The following PAPPA2 variants were observed in gnomAD, a reference collection of about 807,000 sequenced individuals.
PAPPA2 encodes the protein pappalysin 2, also known as pappalysin-2.
A neutral mutation model predicts 176.4 loss-of-function variants in PAPPA2; 86 were observed. That is an observed-to-expected ratio of 0.49 (90% CI 0.41 to 0.58). The LOEUF (loss-of-function observed/expected upper bound fraction) is 0.58, where lower values mean the gene tolerates loss of function less well. PAPPA2 is among the 20% of genes least tolerant of loss of function. PAPPA2 has a pLI of 0.00. For missense variants in PAPPA2, 2,073 were observed against 2,256.9 expected, an observed-to-expected ratio of 0.92 and a Z score of 1.65; for synonymous variants, 809 against 852.2, an observed-to-expected ratio of 0.95 and a Z score of 0.88.
In PAPPA2 at chr1:176,556,266, C is replaced by G; in HGVS notation, c.-57C>G. The G allele has an allele frequency of 2.6e-6, 4 of 1,549,406 alleles. No individual in the cohort carries two copies. The highest frequency in any genetic ancestry group is 3.5e-6 in the Non-Finnish European group (4 of 1,141,078). ...CTGCCTCTTTCTCGTCTGCCCATCA[C>G]TCTGGTGTGGTACCCAGAAGTTGAC... On this transcript the variant is annotated 5_prime_UTR_variant, in exon 2 of 23. Coordinates refer to ENST00000367662, the MANE Select transcript of PAPPA2 (RefSeq NM_020318.3).
intron 14 of PAPPA2, among the ~76,000 whole-genome samples, chr1:176,758,516 A>G (rs1004283635): frequency 3.5e-4 from 53 of 152,190 alleles, no homozygotes; most frequent in African/African-American, 1.2e-3. Flanking sequence ...TCCTACTCCT[A>G]TCTGCTGCCA....
intron 14 of PAPPA2, among the ~76,000 whole-genome samples, chr1:176,764,045 G>A (rs921585640): frequency 5.3e-5 from 8 of 152,134 alleles, no homozygotes; most frequent in Non-Finnish European, 1.2e-4. Flanking sequence ...AACTTGAGAG[G>A]CACCCTGACT....
chr1:176,650,713 T>A (rs1278208169), intron 3 of PAPPA2, among the ~76,000 whole-genome samples: 1 of 151,622 alleles, frequency 6.6e-6, no homozygotes, highest in Non-Finnish European at 1.5e-5. Flanking sequence ...TATTCAGTTA[T>A]TAATAAATGA....
At chr1:176,543,013 A>G (rs765521041) in intron 1 of PAPPA2, among the ~76,000 whole-genome samples, 6 of 152,200 alleles carry the variant, frequency 3.9e-5, no homozygotes, top group Non-Finnish European at 8.8e-5. Context: ...GCATTGCCAC[A>G]ACTTCCTGGA....
At chr1:176,789,101 A>G (rs947135414) in intron 17 of PAPPA2, among the ~76,000 whole-genome samples, 1 of 152,158 alleles carries the variant, frequency 6.6e-6, no homozygotes, top group African/African-American at 2.4e-5. Flanking sequence ...AGAAAACCCA[A>G]TTACAATTTA....
rs79968629 is a variant in PAPPA2 at position 176,582,470 on chromosome 1, A to C, written c.920-12054A>C. Reference sequence around the variant, plus strand: ...GGTCACTTATGGCCTTTATTGTGTTAAGGTACTTTCTTTCTACCTGATTTA... The same window carrying C: ...GGTCACTTATGGCCTTTATTGTGTTCAGGTACTTTCTTTCTACCTGATTTA... On this transcript the variant is annotated intron_variant, in intron 2 of 22. Coordinates refer to ENST00000367662, the MANE Select transcript of PAPPA2 (RefSeq NM_020318.3). 8.5e-3 allele frequency among the ~76,000 whole-genome samples: 1,299 copies of C among 152,268 alleles called. 9 individuals carry two copies. The highest frequency in any genetic ancestry group is 0.014 in the Non-Finnish European group (961 of 68,008).
chr1:176,752,358 A>C lies in PAPPA2; in HGVS notation c.4151+12162A>C, dbSNP rs1035495167. 2.9e-4 allele frequency among the ~76,000 whole-genome samples: 44 copies of C among 151,966 alleles called. No individual in the cohort carries two copies. The South Asian group carries it at 8.3e-3, about 29-fold the overall frequency. On this transcript the variant is annotated intron_variant, in intron 14 of 22. Transcript: ENST00000367662. Reference sequence around the variant, plus strand: ...AGAGTATAATAAAAAAAAAAAAAAAAAAAAAAACATTTACCATTAGGCTGT... The same window carrying C: ...AGAGTATAATAAAAAAAAAAAAAAACAAAAAAACATTTACCATTAGGCTGT...
At position 176,705,210 on chromosome 1, in the gene PAPPA2, C is replaced by T. The variant is rs532702477; in HGVS notation, c.3366-1149C>T. 3.3e-5 allele frequency among the ~76,000 whole-genome samples: 5 copies of T among 152,250 alleles called. No individual in the cohort carries two copies. The East Asian group carries it at 9.6e-4, about 29-fold the overall frequency. On this transcript the variant is annotated intron_variant, in intron 9 of 22. Coordinates refer to ENST00000367662, the MANE Select transcript of PAPPA2 (RefSeq NM_020318.3). ...AGTCTCTTTTCATTGAACCACATTGCATTTATATAGAAAAATGATTTGTAG... is the reference window on the plus strand; with the variant it reads ...AGTCTCTTTTCATTGAACCACATTGTATTTATATAGAAAAATGATTTGTAG...
rs771415361 is a variant in PAPPA2 at position 176,791,431 on chromosome 1, C to A, written c.4969C>A (p.Pro1657Thr). 4.1e-5 allele frequency: 66 copies of A among 1,613,580 alleles called. 1 individual carries two copies. The East Asian group carries it at 6.2e-4, about 15-fold the overall frequency. The change falls in exon 19 of 23, where the codon CCC becomes ACC. Residue 1657 changes from proline to threonine, a missense_variant. Around this residue, in one of 4 missense-constraint regions of PAPPA2, gnomAD observed 846 missense variants for 857.9 expected, o/e 0.99. Transcript: ENST00000367662. ...ENLQGECPPP[P>T]SELNSVEYKC... ...TCTGCAAGGAGAATGCCCACCACCC[C>A]CCTCAGAGCTGAATTCTGTGGAGTA...
At chr1:176,766,018 T>A (rs1490372038) in intron 15 of PAPPA2, among the ~76,000 whole-genome samples, 181 bp downstream of exon 15, 1 of 152,224 alleles carries the variant, frequency 6.6e-6, no homozygotes, top group Non-Finnish European at 1.5e-5. Flanking sequence ...TATAAAAGCA[T>A]GTACAGTGCT....
At chr1:176,681,702 A>G (rs1225722595) in intron 4 of PAPPA2, among the ~76,000 whole-genome samples, 1 of 152,156 alleles carries the variant, frequency 6.6e-6, no homozygotes, top group African/African-American at 2.4e-5. Flanking sequence ...CACATCTCCA[A>G]TATATAAAAT....
At chr1:176,799,145 A>G (rs936951814) in intron 20 of PAPPA2, among the ~76,000 whole-genome samples, 1 of 152,182 alleles carries the variant, frequency 6.6e-6, no homozygotes, top group African/African-American at 2.4e-5. Flanking sequence ...GTGAATATGC[A>G]GGTCTGCAGA....
chr1:176,526,821 A>C (rs1467074088), intron 1 of PAPPA2, among the ~76,000 whole-genome samples: 2 of 152,206 alleles, frequency 1.3e-5, no homozygotes. Context: ...TTCAAGTCTC[A>C]CTTTCTGCCT....
chr1:176,541,562 G>A lies in PAPPA2; in HGVS notation c.-916-13845G>A, dbSNP rs893150330. On this transcript the variant is annotated intron_variant, in intron 1 of 22. Transcript: ENST00000367662. ...TAGATATTCCTCTAGTGCATAGATA[G>A]TGCCACTGAATAAATTTTCCTGCAT... 2.0e-5 allele frequency among the ~76,000 whole-genome samples: 3 copies of A among 152,326 alleles called. No individual in the cohort carries two copies. In the South Asian group the frequency reaches 6.2e-4, roughly 32 times the overall value.
intron 3 of PAPPA2, among the ~76,000 whole-genome samples, chr1:176,606,808 T>A (rs1009732769): frequency 3.3e-5 from 5 of 152,130 alleles, no homozygotes; most frequent in African/African-American, 1.2e-4. Flanking sequence ...AAGAAGAGTT[T>A]GTTAGGAAAG....
At chr1:176,513,172 TCA>T in intron 1 of PAPPA2, among the ~76,000 whole-genome samples, 1 of 151,750 alleles carries the variant, frequency 6.6e-6, no homozygotes, top group Non-Finnish European at 1.5e-5. Context: ...ATCATCATCA[TCA>T]TCATCATCAT....
At chr1:176,801,177 G>A (rs536220803) in intron 21 of PAPPA2, among the ~76,000 whole-genome samples, 5 of 151,578 alleles carry the variant, frequency 3.3e-5, no homozygotes, top group Non-Finnish European at 5.9e-5. Context: ...AAGCATTCTC[G>A]TCTCAGTCAC....
At chr1:176,575,325 T>G (rs1167870000) in intron 2 of PAPPA2, among the ~76,000 whole-genome samples, 2 of 152,226 alleles carry the variant, frequency 1.3e-5, no homozygotes, top group African/African-American at 2.4e-5. Context: ...ACGTTTGTCC[T>G]CACATTGTCA....
In PAPPA2 at chr1:176,842,930, C is replaced by CT. The variant is rs1667539361; in HGVS notation, c.*481dup. 6.6e-6 allele frequency: 1 copy of CT among 151,764 alleles called. No homozygotes were observed. The highest frequency in any genetic ancestry group is 2.1e-4 in the South Asian group (1 of 4,802). The allele number at this position is 151,764 out of a possible 1,614,324, so 9.4% of individuals were successfully genotyped here. On this transcript the variant is annotated 3_prime_UTR_variant, in exon 23 of 23. Transcript: ENST00000367662. ...TGTCTGCTCTCAACTGGCTCTTTTTCTTTTTGTGTAGTTTCCCTTAAATAA... is the reference window on the plus strand; with the variant it reads ...TGTCTGCTCTCAACTGGCTCTTTTTCTTTTTTGTGTAGTTTCCCTTAAATAA...
Sources: gnomAD v4.1 joint callset for allele counts (sites outside exome capture counted in the v4.1 genomes callset) on GRCh38, gnomAD v4.1.1 for gene constraint, gnomAD v4.1.1 regional missense constraint, MANE v1.5 for transcripts, NCBI Gene and HGNC (gene_info 2026-07-23, HGNC 2026-07-21) for gene names.